AEBP2: variants seen among roughly 807,000 people sequenced by gnomAD.
AEBP2 encodes the protein AE binding protein 2, also known as zinc finger protein AEBP2.
AEBP2 carries 10 observed loss-of-function variants against 50.8 expected under a neutral mutation model. That is an observed-to-expected ratio of 0.20 (90% confidence interval 0.12 to 0.33). The LOEUF is 0.33. Ranked by LOEUF, AEBP2 falls within the 10% of genes least tolerant of loss-of-function variation. The pLI, the probability that AEBP2 is intolerant of heterozygous loss-of-function variation, is 1.00. For missense variants in AEBP2, 570 were observed against 688.0 expected (o/e 0.83, Z 1.92); for synonymous variants, 296 against 261.3 (o/e 1.13, Z -1.28).
At position 19,473,349 on chromosome 12, in the gene AEBP2, T is replaced by C; in HGVS notation, c.981T>C (p.Pro327=). Reference sequence around the variant, plus strand: ...TGCTGACACACAGTGGAGACAAACCTTTCAAGGTAAGGATGCATGTATATA... The same window carrying C: ...TGCTGACACACAGTGGAGACAAACCCTTCAAGGTAAGGATGCATGTATATA... ...RHMLTHSGDK[P]FKCVVGGCNA... is the part of the protein sequence containing the mutation. The change falls in exon 3 of 8, where the codon CCT becomes CCC. Residue 327 remains proline (P), a synonymous_variant. Coordinates refer to ENST00000266508, the MANE Select transcript of AEBP2 (RefSeq NM_153207.5). The C allele has an allele frequency of 1.4e-6, 2 of 1,412,578 alleles. No individual in the cohort carries two copies. The highest frequency in any genetic ancestry group is 1.6e-5 in the South Asian group (1 of 62,924). The allele number at this position is 1,412,578 out of a possible 1,614,324, so 87.5% of individuals were successfully genotyped here. A position where few individuals can be genotyped will look rare whatever the true frequency, so the allele number is the denominator to read the frequency against.
intron 1 of AEBP2, among the ~76,000 whole-genome samples, chr12:19,421,830 G>T (rs1270136691): frequency 1.3e-5 from 2 of 152,104 alleles, no homozygotes; most frequent in Non-Finnish European, 2.9e-5. Context: ...TTTACCTGCA[G>T]TACAAATATC....
At chr12:19,444,164 AAAAAATTTT>A (rs968336078) in intron 1 of AEBP2, among the ~76,000 whole-genome samples, 4 of 152,276 alleles carry the variant, frequency 2.6e-5, no homozygotes, top group African/African-American at 9.6e-5. Context: ...AAAAAAATTT[AAAAAATTTT>A]AAACATAATT....
At chr12:19,475,984 A>G (rs1010265149) in intron 3 of AEBP2, among the ~76,000 whole-genome samples, 1 of 152,056 alleles carries the variant, frequency 6.6e-6, no homozygotes, top group Non-Finnish European at 1.5e-5. Context: ...TTGTCTGTTT[A>G]TTCTGCTGAT....
chr12:19,422,647 C>A lies in AEBP2; in HGVS notation c.-17+18431C>A, dbSNP rs554848627. ...GAGTAGCTGGGATTACAGGCATGTGCCACCATGCCTGGTTAATTTTTGTAG... is the reference window on the plus strand; with the variant it reads ...GAGTAGCTGGGATTACAGGCATGTGACACCATGCCTGGTTAATTTTTGTAG... On this transcript the variant is annotated intron_variant, in intron 1 of 3. Coordinates refer to the AEBP2 transcript ENST00000538425. Among the ~76,000 whole-genome samples, 14 of 151,808 alleles carry A rather than the reference C, an allele frequency of 9.2e-5. No homozygotes were observed. In the South Asian group the frequency reaches 2.9e-3, roughly 32 times the overall value.
At chr12:19,510,157 C>T (rs1285717108) in intron 5 of AEBP2, among the ~76,000 whole-genome samples, 1 of 152,100 alleles carries the variant, frequency 6.6e-6, no homozygotes. Context: ...TATTGCATTG[C>T]ATTCTCCATT....
chr12:19,453,524 A>G (rs1466555143), intron 1 of AEBP2, among the ~76,000 whole-genome samples: 1 of 150,138 alleles, frequency 6.7e-6, no homozygotes, highest in African/African-American at 2.5e-5. Context: ...CCTGGGTTCA[A>G]ACGATTCTCC....
At chr12:19,500,956 G>C (rs1949062676) in intron 5 of AEBP2, among the ~76,000 whole-genome samples, 1 of 152,188 alleles carries the variant, frequency 6.6e-6, no homozygotes, top group South Asian at 2.1e-4. Context: ...GTAGTTTGGT[G>C]TAATTAAGTT....
chr12:19,405,476 C>G (rs2095735707), intron 1 of AEBP2, among the ~76,000 whole-genome samples: 1 of 151,972 alleles, frequency 6.6e-6, no homozygotes, highest in Non-Finnish European at 1.5e-5. Flanking sequence ...CAGGCATGTA[C>G]CACCATACCC....
At chr12:19,431,381 A>C (rs2095751355) in intron 1 of AEBP2, among the ~76,000 whole-genome samples, 1 of 152,210 alleles carries the variant, frequency 6.6e-6, no homozygotes, top group Admixed American at 6.5e-5. Flanking sequence ...TGTCAATTTC[A>C]ATTTTTTTAA....
intron 1 of AEBP2, chr12:19,440,698 G>A: frequency 1.3e-6 from 2 of 1,533,432 alleles, no homozygotes; most frequent in Non-Finnish European, 1.7e-6. Context: ...AGCAGAAGAG[G>A]GCCTTGATGT....
chr12:19,498,641 GA>G (rs999272879), intron 4 of AEBP2, among the ~76,000 whole-genome samples: 2 of 152,026 alleles, frequency 1.3e-5, no homozygotes, highest in African/African-American at 4.8e-5. Flanking sequence ...TACAGATCTT[GA>G]AAAATTACAT....
chr12:19,472,006 T>A (rs1300967638), intron 2 of AEBP2, among the ~76,000 whole-genome samples: 1 of 152,164 alleles, frequency 6.6e-6, no homozygotes, highest in Admixed American at 6.6e-5. Flanking sequence ...AACTAGCAAA[T>A]TCGTTGTGGA....
At chr12:19,453,424 C>CTT (rs112177656) in intron 1 of AEBP2, among the ~76,000 whole-genome samples, 62,440 of 148,128 alleles carry the variant, frequency 0.42, 14,211 homozygotes, top group Non-Finnish European at 0.53. Flanking sequence ...GACCTATATA[C>CTT]TTTCTTTTTT....
intron 4 of AEBP2, among the ~76,000 whole-genome samples, chr12:19,499,670 A>G (rs547954416): frequency 5.9e-5 from 9 of 152,220 alleles, no homozygotes; most frequent in East Asian, 1.9e-4. Context: ...GATTTGTACA[A>G]TTTGAAATTA....
intron 3 of AEBP2, 21 bp downstream of exon 3, chr12:19,473,376 A>AATTAATTAATTTATTTATTTATTT (rs761293040): frequency 5.9e-6 from 1 of 168,358 alleles, no homozygotes; most frequent in African/African-American, 7.3e-5. Flanking sequence ...ATGTATATAA[A>AATTAATTAATTTATTTATTTATTT]ATTTATTTAT....
In AEBP2 at chr12:19,440,111, C is replaced by G. The variant is rs924264574; in HGVS notation, c.412C>G (p.Arg138Gly). ...SSGGSSSDETRSLSPGAASSS... is the reference protein window; with the variant it reads ...SSGGSSSDETGSLSPGAASSS... Reference sequence around the variant, plus strand: ...CGGCGGGAGCAGCAGCGACGAGACCCGCTCGTTGAGCCCCGGCGCCGCCAG... The same window carrying G: ...CGGCGGGAGCAGCAGCGACGAGACCGGCTCGTTGAGCCCCGGCGCCGCCAG... The change falls in exon 1 of 8, where the codon CGC becomes GGC. Residue 138 changes from arginine (R) to glycine (G), a missense_variant. This residue lies in a region of AEBP2 where 386 missense variants were observed against 336.8 expected (regional missense o/e 1.15). Transcript: ENST00000266508. The G allele has an allele frequency of 6.6e-7, 1 of 1,504,552 alleles. No individual in the cohort carries two copies. The highest frequency in any genetic ancestry group is 8.8e-7 in the Non-Finnish European group (1 of 1,133,064). 93.2% of individuals were successfully genotyped at this position (1,504,552 alleles called of 1,614,324 possible).
chr12:19,433,728 G>A lies in AEBP2; in HGVS notation c.-16-28782G>A, dbSNP rs577745642. Among the ~76,000 whole-genome samples, 9 of 151,812 alleles carry A rather than the reference G, an allele frequency of 5.9e-5. No homozygotes were observed. In the East Asian group the frequency reaches 1.8e-3, roughly 30 times the overall value. On this transcript the variant is annotated intron_variant, in intron 1 of 3. Transcript: ENST00000538425. ...CGTGGGTGGAAAGGGGTGGGAGGGT[G>A]GCAGGTGGAGGTTGCAGTGAACCGA...
intron 4 of AEBP2, among the ~76,000 whole-genome samples, chr12:19,494,329 A>T (rs141496066): frequency 6.6e-6 from 1 of 152,020 alleles, no homozygotes; most frequent in African/African-American, 2.4e-5. Flanking sequence ...TAAGTAATCT[A>T]TCTACTCCAA....
At chr12:19,445,116 A>G (rs1328136731) in intron 1 of AEBP2, among the ~76,000 whole-genome samples, 1 of 152,192 alleles carries the variant, frequency 6.6e-6, no homozygotes, top group African/African-American at 2.4e-5. Context: ...TGTGAATTGT[A>G]GAGTATTTGG....
Sources: gnomAD v4.1 joint callset for allele counts (sites outside exome capture counted in the v4.1 genomes callset) on GRCh38, gnomAD v4.1.1 for gene constraint, gnomAD v4.1.1 regional missense constraint, MANE v1.5 for transcripts, NCBI Gene and HGNC (gene_info 2026-07-23, HGNC 2026-07-21) for gene names.